The following ITPR2 variants were observed in gnomAD, a reference collection of about 807,000 sequenced individuals.
ITPR2 encodes inositol 1,4,5-trisphosphate receptor type 2, also known as inositol 1,4,5-trisphosphate-gated calcium channel ITPR2.
Under a neutral mutation model 317.1 loss-of-function variants are expected in ITPR2, and 207 were observed. The observed-to-expected ratio is 0.65, with a 90% CI of 0.58 to 0.73. The LOEUF is 0.73. Ranked by LOEUF, ITPR2 falls within the 30% of genes least tolerant of loss-of-function variation. The pLI is 0.00. For missense variants in ITPR2, 2,613 were observed against 3,284.0 expected (o/e 0.80, Z 4.99); for synonymous variants, 1,156 against 1,149.1 (o/e 1.01, Z -0.12).
intron 49 of ITPR2, among the ~76,000 whole-genome samples, chr12:26,423,568 T>G (rs1219548403): frequency 1.3e-5 from 2 of 152,278 alleles, no homozygotes; most frequent in East Asian, 3.9e-4. Context: ...TTTAAAAATC[T>G]GAACAACAAA....
chr12:26,493,609 A>G (rs1942861197), intron 39 of ITPR2, among the ~76,000 whole-genome samples: 1 of 152,198 alleles, frequency 6.6e-6, no homozygotes, highest in African/African-American at 2.4e-5. Context: ...GAGGTGAAAG[A>G]TGTGCTAATT....
chr12:26,693,237 C>T (rs1948273116), intron 10 of ITPR2, among the ~76,000 whole-genome samples: 1 of 152,172 alleles, frequency 6.6e-6, no homozygotes, highest in Non-Finnish European at 1.5e-5. Flanking sequence ...GTAACAACGG[C>T]TTAAACAGAA....
intron 32 of ITPR2, among the ~76,000 whole-genome samples, chr12:26,591,829 C>CT (rs1316056416): frequency 7.6e-6 from 1 of 130,942 alleles, no homozygotes; most frequent in East Asian, 2.0e-4. Context: ...GAACCAGACT[C>CT]TATCTCAAAA....
chr12:26,402,485 G>C (rs906112251), intron 52 of ITPR2, among the ~76,000 whole-genome samples: 1 of 152,190 alleles, frequency 6.6e-6, no homozygotes, highest in Non-Finnish European at 1.5e-5. Context: ...AAATAAGATT[G>C]TTTGTTCTCT....
intron 2 of ITPR2, among the ~76,000 whole-genome samples, chr12:26,787,035 T>G (rs1950266391): frequency 6.6e-6 from 1 of 151,594 alleles, no homozygotes; most frequent in South Asian, 2.1e-4. Context: ...ATGGGGGAAA[T>G]ATATTCATGC....
At chr12:26,653,241 CTTTT>C (rs774729786) in intron 21 of ITPR2, among the ~76,000 whole-genome samples, 3 of 103,590 alleles carry the variant, frequency 2.9e-5, no homozygotes, top group South Asian at 3.4e-4. Flanking sequence ...TTGAATCTTT[CTTTT>C]TTTTTTTTTT....
chr12:26,442,250 G>A (rs1941503217), intron 46 of ITPR2, among the ~76,000 whole-genome samples: 1 of 152,096 alleles, frequency 6.6e-6, no homozygotes, highest in Non-Finnish European at 1.5e-5. Context: ...CCTTCTCAGT[G>A]AAATCTATCC....
intron 13 of ITPR2, among the ~76,000 whole-genome samples, chr12:26,679,746 A>G (rs1947993631): frequency 6.6e-6 from 1 of 150,988 alleles, no homozygotes; most frequent in Admixed American, 6.6e-5. Flanking sequence ...TTCTTTTTCA[A>G]TTTTTGTTTT....
chr12:26,462,584 GCT>G (rs1942063673), intron 45 of ITPR2, among the ~76,000 whole-genome samples: 1 of 151,986 alleles, frequency 6.6e-6, no homozygotes, highest in African/African-American at 2.4e-5. Flanking sequence ...GAATTAGTTG[GCT>G]CTCTCTGTCC....
chr12:26,806,980 G>A (rs191918973), intron 1 of ITPR2, among the ~76,000 whole-genome samples: 5 of 152,056 alleles, frequency 3.3e-5, no homozygotes, highest in Admixed American at 3.3e-4. Context: ...ATATATATAT[G>A]CACTATTAGA....
chr12:26,413,511 C>CAATAGAG (rs1189371709), intron 51 of ITPR2, among the ~76,000 whole-genome samples: 2 of 152,116 alleles, frequency 1.3e-5, no homozygotes, highest in Non-Finnish European at 2.9e-5. Context: ...CACTATGTAT[C>CAATAGAG]AATAGAGACA....
intron 48 of ITPR2, among the ~76,000 whole-genome samples, chr12:26,429,188 T>A (rs1433317613): frequency 6.6e-6 from 1 of 152,196 alleles, no homozygotes; most frequent in Non-Finnish European, 1.5e-5. Context: ...GGCAGGAAGA[T>A]CCTGTCAACT....
chr12:26,417,137 T>C (rs764564951), intron 50 of ITPR2, among the ~76,000 whole-genome samples: 9 of 147,406 alleles, frequency 6.1e-5, no homozygotes, highest in Middle Eastern at 3.4e-3. Flanking sequence ...ATATAAAAAA[T>C]CTTTTAAAAA....
intron 1 of ITPR2, among the ~76,000 whole-genome samples, chr12:26,814,465 A>G (rs2137274858): frequency 6.6e-6 from 1 of 152,374 alleles, no homozygotes; most frequent in South Asian, 2.1e-4. Flanking sequence ...AAAAATTACA[A>G]AATAGATACA....
chr12:26,758,228 C>T (rs747190764), intron 2 of ITPR2, among the ~76,000 whole-genome samples: 4 of 152,148 alleles, frequency 2.6e-5, no homozygotes, highest in Admixed American at 6.5e-5. Flanking sequence ...TACATAAAAG[C>T]ATATTTTAAG....
At chr12:26,707,507 T>C (rs568045830) in intron 9 of ITPR2, among the ~76,000 whole-genome samples, 2 of 152,296 alleles carry the variant, frequency 1.3e-5, no homozygotes, top group South Asian at 2.1e-4. Context: ...GACTAATGCT[T>C]TGAAATAAAA....
At chr12:26,593,263 T>C (rs984891444) in intron 32 of ITPR2, among the ~76,000 whole-genome samples, 1 of 152,238 alleles carries the variant, frequency 6.6e-6, no homozygotes, top group Admixed American at 6.5e-5. Flanking sequence ...TTAGAAATTC[T>C]GGGGACAAGG....
intron 48 of ITPR2, among the ~76,000 whole-genome samples, chr12:26,431,458 T>A (rs576041270): frequency 1.3e-5 from 2 of 152,256 alleles, no homozygotes; most frequent in African/African-American, 4.8e-5. Context: ...GTTTCTTTTT[T>A]AGAGAAGCAT....
At position 26,647,225 on chromosome 12, in the gene ITPR2, A is replaced by C. The variant is rs531091711; in HGVS notation, c.2740+6751T>G. Among the ~76,000 whole-genome samples the C allele has an allele frequency of 3.1e-3, 472 of 152,310 alleles. 2 individuals carry two copies. Among genetic ancestry groups the C allele is most frequent in the African/African-American group, 9.9e-3 (411 of 41,560 alleles). ...ACAGGATAACTAAATAACAAACCAG[A>C]CCCAAACCATTTCCAGACTGTGTCC... On this transcript the variant is annotated intron_variant, in intron 21 of 56. Transcript: ENST00000381340.
Sources: gnomAD v4.1 joint callset for allele counts (sites outside exome capture counted in the v4.1 genomes callset) on GRCh38, gnomAD v4.1.1 for gene constraint, MANE v1.5 for transcripts, NCBI Gene and HGNC (gene_info 2026-07-23, HGNC 2026-07-21) for gene names.